Variants in TRIQK observed in about 807,000 individuals in gnomAD.
The protein encoded by TRIQK is triple QxxK/R motif containing, also known as triple QxxK/R motif-containing protein.
Under a neutral mutation model 10.8 loss-of-function variants are expected in TRIQK, and 10 were observed. That is an observed-to-expected ratio of 0.92 (90% CI 0.57 to 1.57). The LOEUF (loss-of-function observed/expected upper bound fraction) is 1.57, where lower values mean the gene tolerates loss of function less well. Ranked by LOEUF, TRIQK falls within the 40% of genes most tolerant of loss-of-function variation. The pLI is 0.00. For missense variants in TRIQK, 107 were observed against 97.7 expected, an observed-to-expected ratio of 1.09 and a Z score of -0.40; for synonymous variants, 33 against 33.7, an observed-to-expected ratio of 0.98 and a Z score of 0.07.
chr8:92,958,784 C>G (rs1812301508), intron 1 of TRIQK, among the ~76,000 whole-genome samples: 2 of 151,890 alleles, frequency 1.3e-5, no homozygotes, highest in African/African-American at 2.4e-5. Flanking sequence ...TTTCTAGATA[C>G]AAATATTATA....
intron 2 of TRIQK, among the ~76,000 whole-genome samples, chr8:92,925,836 A>G (rs1277619758): frequency 6.6e-6 from 1 of 152,200 alleles, no homozygotes; most frequent in Non-Finnish European, 1.5e-5. Flanking sequence ...TTGCACTTCT[A>G]TTCTCAGATA....
intron 2 of TRIQK, among the ~76,000 whole-genome samples, chr8:92,945,569 T>C (rs1358665140): frequency 6.6e-6 from 1 of 152,236 alleles, no homozygotes; most frequent in Non-Finnish European, 1.5e-5. Context: ...TGTCTGTAGA[T>C]GCTTCACATG....
At chr8:92,948,915 T>TAA (rs1811686533) in intron 2 of TRIQK, among the ~76,000 whole-genome samples, 1 of 152,236 alleles carries the variant, frequency 6.6e-6, no homozygotes, top group Non-Finnish European at 1.5e-5. Flanking sequence ...CAGTAAACTG[T>TAA]AACCTTTCCA....
chr8:92,966,215 T>G (rs1812742778), upstream of TRIQK: 1 of 152,294 alleles, frequency 6.6e-6, no homozygotes, highest in South Asian at 2.1e-4. Flanking sequence ...TTCTCCCGTC[T>G]GTACGCCGGT....
At chr8:92,957,564 G>A (rs1812238093) in intron 1 of TRIQK, among the ~76,000 whole-genome samples, 1 of 151,840 alleles carries the variant, frequency 6.6e-6, no homozygotes, top group Non-Finnish European at 1.5e-5. Context: ...TAGAAGAAAT[G>A]CAAAGTGTTA....
intron 3 of TRIQK, among the ~76,000 whole-genome samples, chr8:92,903,427 T>C (rs1809065671): frequency 6.6e-6 from 1 of 151,984 alleles, no homozygotes; most frequent in African/African-American, 2.4e-5. Context: ...TTTTTGATAA[T>C]TAAATGCCAG....
chr8:92,928,845 A>T (rs1243462228), intron 2 of TRIQK, among the ~76,000 whole-genome samples: 1 of 152,172 alleles, frequency 6.6e-6, no homozygotes, highest in Non-Finnish European at 1.5e-5. Context: ...ACATAAAAGG[A>T]TTTAGTGCAG....
intron 3 of TRIQK, among the ~76,000 whole-genome samples, chr8:92,900,015 T>C (rs1326338288): frequency 6.6e-6 from 1 of 152,226 alleles, no homozygotes; most frequent in African/African-American, 2.4e-5. Flanking sequence ...ATTTTGAGCA[T>C]GTTTTCATAC....
intron 1 of TRIQK, among the ~76,000 whole-genome samples, chr8:92,959,055 A>G (rs1812314596): frequency 6.6e-6 from 1 of 152,058 alleles, no homozygotes; most frequent in African/African-American, 2.4e-5. Context: ...TAAACAAATG[A>G]GCGTGATTGT....
chr8:92,952,418 A>AACACACACACACACACAC lies in TRIQK; in HGVS notation c.-22+1970_-22+1987dup, dbSNP rs143129049. On this transcript the variant is annotated intron_variant, in intron 2 of 4. Transcript: ENST00000521988. ...CTCCAAAACCAGAAAACAAAGATAA[A>AACACACACACACACACAC]ACACACACACACACACACACACACA... Among the ~76,000 whole-genome samples the AACACACACACACACACAC allele has an allele frequency of 8.4e-4, 125 of 148,192 alleles. 1 individual carries two copies. The highest frequency in any genetic ancestry group is 2.9e-3 in the African/African-American group (117 of 40,668).
At chr8:92,926,757 C>T (rs1197167081) in intron 2 of TRIQK, among the ~76,000 whole-genome samples, 3 of 152,134 alleles carry the variant, frequency 2.0e-5, no homozygotes, top group Non-Finnish European at 4.4e-5. Flanking sequence ...GATATCTATG[C>T]AGTAGCTCTG....
chr8:92,937,683 G>T (rs1264621774), intron 2 of TRIQK, among the ~76,000 whole-genome samples: 1 of 149,840 alleles, frequency 6.7e-6, no homozygotes. Context: ...TACATTTTTA[G>T]CAGTTACTAG....
At chr8:92,918,364 C>A (rs546259458) in intron 2 of TRIQK, among the ~76,000 whole-genome samples, 1 of 151,926 alleles carries the variant, frequency 6.6e-6, no homozygotes, top group South Asian at 2.1e-4. Flanking sequence ...TTCCTTTTTT[C>A]TCCACATCCC....
intron 3 of TRIQK, among the ~76,000 whole-genome samples, chr8:92,893,119 T>G (rs1292786769): frequency 6.6e-6 from 1 of 151,894 alleles, no homozygotes; most frequent in Non-Finnish European, 1.5e-5. Context: ...TAACATTAAT[T>G]TCCACATCTT....
chr8:92,944,275 C>A, intron 2 of TRIQK, among the ~76,000 whole-genome samples: 1 of 147,798 alleles, frequency 6.8e-6, no homozygotes. Context: ...ATTAGTACAG[C>A]CATTATGGAA....
intron 1 of TRIQK, among the ~76,000 whole-genome samples, chr8:92,991,983 C>T (rs1300477222): frequency 6.6e-6 from 1 of 152,082 alleles, no homozygotes; most frequent in Non-Finnish European, 1.5e-5. Flanking sequence ...AACTACAAAC[C>T]ACTGCTCAAC....
At chr8:92,957,791 TA>T (rs1812250671) in intron 1 of TRIQK, among the ~76,000 whole-genome samples, 1 of 151,842 alleles carries the variant, frequency 6.6e-6, no homozygotes, top group African/African-American at 2.4e-5. Context: ...CTTAATATTC[TA>T]AAAAAGTTTA....
chr8:92,998,444 T>G (rs1813174542), intron 1 of TRIQK, among the ~76,000 whole-genome samples: 1 of 152,030 alleles, frequency 6.6e-6, no homozygotes, highest in South Asian at 2.1e-4. Flanking sequence ...ATTGGAAAAT[T>G]TCTTAAGAGA....
At chr8:92,953,328 G>T (rs914013629) in intron 2 of TRIQK, 40 of 152,040 alleles carry the variant, frequency 2.6e-4, no homozygotes, top group African/African-American at 9.6e-4. Flanking sequence ...GGTTACTAGA[G>T]ATAGAGTGAA....
Sources: allele counts gnomAD v4.1 joint callset (sites outside exome capture counted in the v4.1 genomes callset), GRCh38; gene constraint gnomAD v4.1.1; transcripts MANE v1.5; gene names NCBI Gene and HGNC (gene_info 2026-07-23, HGNC 2026-07-21).